Variants in SFMBT2 observed in about 807,000 individuals in gnomAD.
SFMBT2 encodes the protein Scm like with four mbt domains 2.
SFMBT2 carries 38 observed loss-of-function variants against 110.1 expected under a neutral mutation model. That is an observed-to-expected ratio of 0.35 (90% CI 0.27 to 0.45). The LOEUF (loss-of-function observed/expected upper bound fraction) is 0.45, where lower values mean the gene tolerates loss of function less well. Among genes scored for constraint, SFMBT2 ranks in the 20% least tolerant of loss-of-function variants. The pLI is 1.00. For missense variants in SFMBT2, 1,011 were observed against 1,094.9 expected (o/e 0.92, Z 1.08); for synonymous variants, 425 against 425.4 (o/e 1.00, Z 0.01).
intron 9 of SFMBT2, among the ~76,000 whole-genome samples, chr10:7,238,560 G>A (rs943737407): frequency 2.0e-5 from 3 of 152,076 alleles, no homozygotes; most frequent in Admixed American, 6.5e-5. Flanking sequence ...TACGACTTAC[G>A]GTTCCCTGCT....
Position 7,329,453 on chromosome 10 carries a change from G to T in SFMBT2, c.436+38196C>A, listed in dbSNP as rs908466174. On this transcript the variant is annotated intron_variant, in intron 4 of 20. Coordinates refer to ENST00000397167, the MANE Select transcript of SFMBT2 (RefSeq NM_001387889.1). Reference sequence around the variant, plus strand: ...CCCCACAACCACAAAAGCGGTGAGGGAACTGAGGAAATGTGTGTGGTGAGT... The same window carrying T: ...CCCCACAACCACAAAAGCGGTGAGGTAACTGAGGAAATGTGTGTGGTGAGT... 6 of 985,370 alleles carry T rather than the reference G, an allele frequency of 6.1e-6. No individual in the cohort carries two copies. The African/African-American group carries it at 1.0e-4, about 17-fold the overall frequency. The allele number at this position is 985,370 out of a possible 1,614,324, so 61.0% of individuals were successfully genotyped here. A position where few individuals can be genotyped will look rare whatever the true frequency, so the allele number is the denominator to read the frequency against.
chr10:7,272,885 C>T (rs112440206), intron 7 of SFMBT2, among the ~76,000 whole-genome samples: 26,530 of 152,126 alleles, frequency 0.17, 2,465 homozygotes, highest in African/African-American at 0.21. Context: ...CTCTGCCTCC[C>T]GGGTTCAAGG....
intron 2 of SFMBT2, among the ~76,000 whole-genome samples, chr10:7,373,416 G>C (rs1486109087): frequency 6.6e-6 from 1 of 152,088 alleles, no homozygotes; most frequent in African/African-American, 2.4e-5. Flanking sequence ...ATAGGAACAC[G>C]AAACAGAATG....
chr10:7,181,777 G>A (rs1352438558), intron 16 of SFMBT2, among the ~76,000 whole-genome samples: 1 of 151,920 alleles, frequency 6.6e-6, no homozygotes, highest in East Asian at 1.9e-4. Context: ...GGTAACTGTT[G>A]GAACAACTCT....
intron 4 of SFMBT2, chr10:7,348,087 AATC>A: frequency 2.4e-6 from 1 of 417,792 alleles, no homozygotes. Flanking sequence ...CCGGCATATA[AATC>A]ATCATCATCC....
At chr10:7,278,952 T>A (rs971160263) in intron 6 of SFMBT2, among the ~76,000 whole-genome samples, 10 of 151,646 alleles carry the variant, frequency 6.6e-5, no homozygotes, top group African/African-American at 2.4e-4. Context: ...AAAACAAAAA[T>A]TAGCTGGGTG....
At chr10:7,194,948 A>G (rs1461643041) in intron 15 of SFMBT2, among the ~76,000 whole-genome samples, 1 of 152,254 alleles carries the variant, frequency 6.6e-6, no homozygotes, top group Non-Finnish European at 1.5e-5. Flanking sequence ...CTTGTGTGTT[A>G]ACAGAGCTGG....
At chr10:7,347,461 A>G (rs1293642070) in intron 4 of SFMBT2, among the ~76,000 whole-genome samples, 2 of 152,220 alleles carry the variant, frequency 1.3e-5, no homozygotes, top group Non-Finnish European at 2.9e-5. Context: ...ATCCCTCAGG[A>G]AAAGGGGAAA....
chr10:7,208,520 A>G (rs1237048485), intron 11 of SFMBT2, among the ~76,000 whole-genome samples: 1 of 151,214 alleles, frequency 6.6e-6, no homozygotes, highest in African/African-American at 2.4e-5. Context: ...CCTCATCTCT[A>G]CTAAAAATAC....
chr10:7,391,714 A>C (rs1217454195), intron 1 of SFMBT2, among the ~76,000 whole-genome samples: 1 of 152,194 alleles, frequency 6.6e-6, no homozygotes, highest in Non-Finnish European at 1.5e-5. Flanking sequence ...AATCACTTGT[A>C]ATTCTAATAC....
chr10:7,330,248 C>T (rs1488016451), intron 4 of SFMBT2, among the ~76,000 whole-genome samples: 1 of 152,150 alleles, frequency 6.6e-6, no homozygotes, highest in Non-Finnish European at 1.5e-5. Flanking sequence ...GACTTTATAA[C>T]ATTTCTCATT....
intron 4 of SFMBT2, chr10:7,329,423 G>A (rs1843498255): frequency 1.0e-6 from 1 of 984,826 alleles, no homozygotes; most frequent in Non-Finnish European, 1.2e-6. Context: ...GGGTGCTAAA[G>A]ACATCCCCAC....
At chr10:7,228,141 C>T (rs932147636) in intron 9 of SFMBT2, among the ~76,000 whole-genome samples, 56 of 152,196 alleles carry the variant, frequency 3.7e-4, no homozygotes, top group Admixed American at 1.1e-3. Flanking sequence ...TACTATAACA[C>T]ACTATCTGAA....
intron 4 of SFMBT2, among the ~76,000 whole-genome samples, chr10:7,327,327 C>A (rs1470019731): frequency 6.6e-6 from 1 of 151,924 alleles, no homozygotes; most frequent in East Asian, 1.9e-4. Flanking sequence ...AGTTTCATCA[C>A]CCCGAAAAAA....
intron 8 of SFMBT2, chr10:7,244,280 T>C: frequency 4.2e-6 from 1 of 239,048 alleles, no homozygotes; most frequent in Non-Finnish European, 6.8e-6. Flanking sequence ...ACAGTGCGTT[T>C]TCAAGGTACA....
chr10:7,283,208 T>C (rs1841997124), intron 6 of SFMBT2, among the ~76,000 whole-genome samples: 1 of 152,254 alleles, frequency 6.6e-6, no homozygotes. Context: ...ATGGTTATTT[T>C]GTAAATACGC....
chr10:7,304,807 A>C (rs1026860708), intron 4 of SFMBT2, among the ~76,000 whole-genome samples: 2 of 152,186 alleles, frequency 1.3e-5, no homozygotes, highest in African/African-American at 4.8e-5. Context: ...CCGGGTACCA[A>C]AGTACTACTA....
chr10:7,161,151 C>A lies in SFMBT2; in HGVS notation c.*2619G>T, dbSNP rs925397541. 6.6e-6 allele frequency: 1 copy of A among 152,256 alleles called. No individual in the cohort carries two copies. The highest frequency in any genetic ancestry group is 1.5e-5 in the Non-Finnish European group (1 of 68,086). The allele number at this position is 152,256 out of a possible 1,614,324, so 9.4% of individuals were successfully genotyped here. The stretch of plus-strand genomic sequence containing the variant: ...CACGGGAAGCAAACACTTTCCCCTG[C>A]GACAGTGGCTGTATCCTTCCTGAGC... On this transcript the variant is annotated 3_prime_UTR_variant, in exon 21 of 21. Transcript: ENST00000397167.
At chr10:7,201,590 T>A (rs912211668) in intron 13 of SFMBT2, among the ~76,000 whole-genome samples, 13 of 152,342 alleles carry the variant, frequency 8.5e-5, no homozygotes, top group Middle Eastern at 3.4e-3. Context: ...CAATTTCATC[T>A]TATTTAAATT....
Sources: gnomAD v4.1 joint callset for allele counts (sites outside exome capture counted in the v4.1 genomes callset) on GRCh38, gnomAD v4.1.1 for gene constraint, MANE v1.5 for transcripts, NCBI Gene and HGNC (gene_info 2026-07-23, HGNC 2026-07-21) for gene names.